Variants in CREB5 observed in about 807,000 individuals in gnomAD.
CREB5 encodes cyclic AMP-responsive element-binding protein 5.
A neutral mutation model predicts 57.1 loss-of-function variants in CREB5; 19 were observed. That is an observed-to-expected ratio of 0.33 (90% CI 0.23 to 0.49). CREB5 has a LOEUF of 0.49. CREB5 is among the 20% of genes least tolerant of loss of function. The pLI, the probability that CREB5 is intolerant of heterozygous loss-of-function variation, is 0.99. For missense variants in CREB5, 579 were observed against 671.6 expected (o/e 0.86, Z 1.52); for synonymous variants, 238 against 238.3 (o/e 1.00, Z 0.01).
chr7:28,602,953 C>T (rs1352675096), intron 5 of CREB5, among the ~76,000 whole-genome samples: 1 of 152,152 alleles, frequency 6.6e-6, no homozygotes, highest in Non-Finnish European at 1.5e-5. Context: ...AAGATGTTAC[C>T]ATTGGAGGAA....
intron 1 of CREB5, among the ~76,000 whole-genome samples, chr7:28,400,878 C>A (rs966244871): frequency 1.3e-5 from 2 of 152,136 alleles, no homozygotes; most frequent in Non-Finnish European, 2.9e-5. Context: ...AATATCAGTT[C>A]ATGTGAGATG....
intron 1 of CREB5, among the ~76,000 whole-genome samples, chr7:28,355,766 C>T (rs574503985): frequency 6.6e-6 from 1 of 152,276 alleles, no homozygotes; most frequent in South Asian, 2.1e-4. Context: ...TTTTATGACA[C>T]GCAGCTATTG....
rs560897303 is a variant in CREB5, at chr7:28,676,547, C to A, written c.465-42206C>A. Among the ~76,000 whole-genome samples the A allele has an allele frequency of 1.6e-4, 25 of 152,300 alleles. No homozygotes were observed. The South Asian group carries it at 5.0e-3, about 30-fold the overall frequency. Reference sequence around the variant, plus strand: ...TGTGGATAGACTGGCCCTTTCTCCTCTCAAGTGCTGTAGCTCTTTACAAGC... The same window carrying A: ...TGTGGATAGACTGGCCCTTTCTCCTATCAAGTGCTGTAGCTCTTTACAAGC... On this transcript the variant is annotated intron_variant, in intron 5 of 10. Coordinates refer to ENST00000357727, the MANE Select transcript of CREB5 (RefSeq NM_182898.4).
At chr7:28,407,209 C>T (rs1361908435) in intron 1 of CREB5, among the ~76,000 whole-genome samples, 2 of 152,028 alleles carry the variant, frequency 1.3e-5, no homozygotes, top group African/African-American at 4.8e-5. Context: ...ACCACCACAC[C>T]CAGCTAATTT....
chr7:28,679,052 C>CTTTTTTTTTTTT (rs56266854), intron 5 of CREB5, among the ~76,000 whole-genome samples: 6 of 123,856 alleles, frequency 4.8e-5, no homozygotes, highest in Non-Finnish European at 8.2e-5. Context: ...TTTTGTAGTT[C>CTTTTTTTTTTTT]TTTTTTTTTT....
chr7:28,515,905 T>TA (rs201357772), intron 4 of CREB5, among the ~76,000 whole-genome samples: 61 of 147,560 alleles, frequency 4.1e-4, no homozygotes, highest in South Asian at 4.3e-4. Context: ...ATGTTTAAAG[T>TA]AAAAATATAT....
At chr7:28,715,506 T>C (rs1054695675) in intron 5 of CREB5, among the ~76,000 whole-genome samples, 1 of 152,232 alleles carries the variant, frequency 6.6e-6, no homozygotes, top group African/African-American at 2.4e-5. Context: ...AGTTTCAATA[T>C]ACATGAAGGG....
chr7:28,771,415 A>G (rs1201252825), intron 7 of CREB5, among the ~76,000 whole-genome samples: 1 of 152,146 alleles, frequency 6.6e-6, no homozygotes, highest in Non-Finnish European at 1.5e-5. Context: ...TGTCCTCTGG[A>G]TGCTGCCTGA....
chr7:28,408,178 C>A (rs778906720), upstream of CREB5, among the ~76,000 whole-genome samples: 2 of 152,198 alleles, frequency 1.3e-5, no homozygotes, highest in Non-Finnish European at 2.9e-5. Flanking sequence ...CAGCCCCCAA[C>A]CTTCTGGTGT....
chr7:28,577,655 A>C (rs1178148906), intron 5 of CREB5, among the ~76,000 whole-genome samples: 1 of 152,228 alleles, frequency 6.6e-6, no homozygotes, highest in East Asian at 1.9e-4. Context: ...CACCTACTCC[A>C]TGCACTATCC....
At chr7:28,592,661 T>A (rs956210802) in intron 5 of CREB5, among the ~76,000 whole-genome samples, 2 of 152,136 alleles carry the variant, frequency 1.3e-5, no homozygotes, top group African/African-American at 4.8e-5. Flanking sequence ...TAGTCTCATA[T>A]GGAGGAGGTG....
At chr7:28,527,152 A>C (rs759632068) in intron 4 of CREB5, among the ~76,000 whole-genome samples, 27 of 152,224 alleles carry the variant, frequency 1.8e-4, no homozygotes, top group Non-Finnish European at 3.7e-4. Flanking sequence ...AGGCTTTTCC[A>C]ACATCCAAGA....
intron 4 of CREB5, among the ~76,000 whole-genome samples, chr7:28,524,260 T>G (rs1793328619): frequency 6.6e-6 from 1 of 151,296 alleles, no homozygotes; most frequent in Non-Finnish European, 1.5e-5. Context: ...GCAGATCACT[T>G]GAGGTCAGAA....
chr7:28,750,413 G>A (rs763054358), intron 7 of CREB5, among the ~76,000 whole-genome samples: 1 of 152,094 alleles, frequency 6.6e-6, no homozygotes, highest in Non-Finnish European at 1.5e-5. Flanking sequence ...ATATGAAATG[G>A]CATATAGAAT....
intron 5 of CREB5, among the ~76,000 whole-genome samples, chr7:28,586,156 G>A (rs1410671006): frequency 6.6e-6 from 1 of 152,066 alleles, no homozygotes; most frequent in Non-Finnish European, 1.5e-5. Flanking sequence ...TGGTTTGAAG[G>A]GACACCTCCA....
chr7:28,386,870 C>T (rs542756243), intron 1 of CREB5, among the ~76,000 whole-genome samples: 3 of 152,274 alleles, frequency 2.0e-5, no homozygotes, highest in South Asian at 4.1e-4. Flanking sequence ...GGACAATGGC[C>T]TCCAGCTCCA....
chr7:28,316,943 G>T (rs900285405), intron 1 of CREB5, among the ~76,000 whole-genome samples: 7 of 151,334 alleles, frequency 4.6e-5, no homozygotes, highest in Middle Eastern at 3.4e-3. Context: ...TACACTGTTG[G>T]GTCAACAATA....
intron 5 of CREB5, among the ~76,000 whole-genome samples, chr7:28,595,265 TG>T (rs1562518322): frequency 6.6e-6 from 1 of 152,078 alleles, no homozygotes; most frequent in Non-Finnish European, 1.5e-5. Flanking sequence ...TGGTGGGTTG[TG>T]GTTTTATAAG....
upstream of CREB5, chr7:28,410,908 C>G (rs1285262064): frequency 3.6e-6 from 1 of 276,690 alleles, no homozygotes; most frequent in Admixed American, 4.5e-5. Context: ...ATCTTTATTG[C>G]CCTCTCTTCC....
Sources: gnomAD v4.1 joint callset for allele counts (sites outside exome capture counted in the v4.1 genomes callset) on GRCh38, gnomAD v4.1.1 for gene constraint, MANE v1.5 for transcripts, NCBI Gene and HGNC (gene_info 2026-07-23, HGNC 2026-07-21) for gene names.